Variants in CLPTM1 observed in about 807,000 individuals in gnomAD.
The protein encoded by CLPTM1 is putative lipid scramblase CLPTM1.
In CLPTM1, 21 loss-of-function variants were observed where a neutral mutation model predicts 77.3. That is an observed-to-expected ratio of 0.27 (90% confidence interval 0.19 to 0.39). The LOEUF is 0.39. CLPTM1 is among the 10% of genes least tolerant of loss of function. CLPTM1 has a pLI of 1.00. For synonymous variants in CLPTM1, 373 were observed against 381.0 expected, an observed-to-expected ratio of 0.98 and a Z score of 0.24; for missense variants, 642 against 921.2, an observed-to-expected ratio of 0.70 and a Z score of 3.92.
chr19:44,985,400 A>G (rs1970961964), intron 6 of CLPTM1, 97 bp downstream of exon 6: 2 of 837,540 alleles, frequency 2.4e-6, no homozygotes, highest in Non-Finnish European at 4.0e-6. Context: ...CCACCACTGA[A>G]CCACCATGCC....
rs1180952718 is a variant in CLPTM1 at position 44,986,969 on chromosome 19, C to T, written c.794-210C>T. On this transcript the variant is annotated intron_variant, in intron 7 of 13. Coordinates refer to ENST00000337392, the MANE Select transcript of CLPTM1 (RefSeq NM_001294.4). ...TGGGCTGGAGCTGAGCCACAGCTGCCCCCTTCAGTGGGGACCTGCCTGCCC... is the reference window on the plus strand; with the variant it reads ...TGGGCTGGAGCTGAGCCACAGCTGCTCCCTTCAGTGGGGACCTGCCTGCCC... The T allele has an allele frequency of 4.8e-6, 3 of 624,846 alleles. No homozygotes were observed. In the African/African-American group the frequency reaches 5.5e-5, roughly 11 times the overall value. The allele number at this position is 624,846 out of a possible 1,614,324, so 38.7% of individuals were successfully genotyped here. A position where few individuals can be genotyped will look rare whatever the true frequency, so the allele number is the denominator to read the frequency against.
intron 5 of CLPTM1, among the ~76,000 whole-genome samples, chr19:44,983,464 C>A (rs1231402955): frequency 6.7e-6 from 1 of 150,124 alleles, no homozygotes; most frequent in South Asian, 2.1e-4. Context: ...ACTAAAAATA[C>A]AAAATTAGCC....
rs573473703 is a variant in CLPTM1 at position 44,987,360 on chromosome 19, G to A, written c.975G>A (p.Ser325=). ...TCTATGCTGCCCAGAGCACCAAGTC[G>A]CCCTGGAACTTCCTGGGTGATGAGT... ...WQLYAAQSTK[S]PWNFLGDELY... The change falls in exon 8 of 14, where the codon TCG becomes TCA. Residue 325 remains serine (S), a synonymous_variant. Coordinates refer to ENST00000337392, the MANE Select transcript of CLPTM1 (RefSeq NM_001294.4). 2.4e-5 allele frequency: 38 copies of A among 1,614,212 alleles called. No homozygotes were observed. The highest frequency in any genetic ancestry group is 6.7e-5 in the East Asian group (3 of 44,892).
In CLPTM1 at chr19:44,993,158, G is replaced by A. The variant is rs1321176698; in HGVS notation, c.*261G>A. The A allele has an allele frequency of 6.6e-6, 3 of 455,374 alleles. No homozygotes were observed. Among genetic ancestry groups the A allele is most frequent in the Admixed American group, 4.7e-5 (2 of 42,420 alleles). 28.2% of individuals were successfully genotyped at this position (455,374 alleles called of 1,614,324 possible). On this transcript the variant is annotated 3_prime_UTR_variant, in exon 14 of 14. Coordinates refer to ENST00000337392, the MANE Select transcript of CLPTM1 (RefSeq NM_001294.4). ...GCCCAGCACCACTGGGAATCATGGT[G>A]AAGCTGATGCAGCGTTGCCGAGGGG...
At chr19:44,961,534 C>T (rs940928058) in intron 1 of CLPTM1, among the ~76,000 whole-genome samples, 4 of 152,202 alleles carry the variant, frequency 2.6e-5, no homozygotes, top group African/African-American at 9.7e-5. Context: ...TGCTGCTTCT[C>T]TCACTTCCTC....
intron 9 of CLPTM1, among the ~76,000 whole-genome samples, chr19:44,989,329 A>G (rs770876601): frequency 6.6e-6 from 1 of 152,128 alleles, no homozygotes; most frequent in Non-Finnish European, 1.5e-5. Flanking sequence ...TCCAGTGAGA[A>G]ATGAGGCACA....
chr19:44,991,165 G>A lies in CLPTM1; in HGVS notation c.1420-73G>A. 6.3e-7 allele frequency: 1 copy of A among 1,597,252 alleles called. No individual in the cohort carries two copies. The highest frequency in any genetic ancestry group is 8.5e-7 in the Non-Finnish European group (1 of 1,169,940). On this transcript the variant is annotated intron_variant, in intron 11 of 13. Transcript: ENST00000337392. The surrounding 1 kb of genome is among the most constrained non-coding windows in gnomAD (Gnocchi z 5.4). The stretch of plus-strand genomic sequence containing the variant: ...CCGGCCTGCCAGACCAGGTGTGGTG[G>A]GTGAGGGCGGGGAGCAGGGCTGCCA...
Position 44,975,493 on chromosome 19 carries a change from C to G in CLPTM1, c.468+896C>G, listed in dbSNP as rs569883832. ...GCCTTCTCAGCTTTGGGGTGGAGGG[C>G]ACATTTCTGTTCTATTTCTGTCTGG... On this transcript the variant is annotated intron_variant, in intron 4 of 13. Transcript: ENST00000337392. Among the ~76,000 whole-genome samples the G allele has an allele frequency of 2.0e-4, 31 of 152,274 alleles. No individual in the cohort carries two copies. The South Asian group carries it at 2.5e-3, about 12-fold the overall frequency.
intron 2 of CLPTM1, among the ~76,000 whole-genome samples, chr19:44,966,126 T>C (rs1428413447): frequency 2.0e-5 from 3 of 152,060 alleles, no homozygotes; most frequent in Non-Finnish European, 4.4e-5. Flanking sequence ...AAAAGTGTAA[T>C]GTGGGCCGGG....
At chr19:44,966,133 C>T (rs974099013) in intron 2 of CLPTM1, among the ~76,000 whole-genome samples, 8 of 151,698 alleles carry the variant, frequency 5.3e-5, no homozygotes, top group African/African-American at 1.2e-4. Flanking sequence ...TAATGTGGGC[C>T]GGGCGCGGTG....
rs1177000838 is a variant in CLPTM1, at chr19:44,992,962, C to T, written c.*65C>T. On this transcript the variant is annotated 3_prime_UTR_variant, in exon 14 of 14. Coordinates refer to ENST00000337392, the MANE Select transcript of CLPTM1 (RefSeq NM_001294.4). This position sits in a 1 kb window ranked among gnomAD's most constrained non-coding sequence, Gnocchi z 7.7. ...CTACCCCTGCGTCCCGGCCCCCTCGCCTCCCCTCCCTGTCGCCCTTTCCCT... is the reference window on the plus strand; with the variant it reads ...CTACCCCTGCGTCCCGGCCCCCTCGTCTCCCCTCCCTGTCGCCCTTTCCCT... The T allele has an allele frequency of 1.3e-6, 2 of 1,539,696 alleles. No individual in the cohort carries two copies. Among genetic ancestry groups the T allele is most frequent in the Non-Finnish European group, 8.8e-7 (1 of 1,135,686 alleles).
intron 2 of CLPTM1, among the ~76,000 whole-genome samples, chr19:44,968,959 C>T (rs1970676786): frequency 6.6e-6 from 1 of 152,140 alleles, no homozygotes; most frequent in Non-Finnish European, 1.5e-5. Flanking sequence ...GGCCTTGTGG[C>T]TTCTACAGGC....
intron 1 of CLPTM1, among the ~76,000 whole-genome samples, chr19:44,959,938 A>G (rs1217110815): frequency 6.6e-6 from 1 of 152,174 alleles, no homozygotes; most frequent in Non-Finnish European, 1.5e-5. Context: ...GCCCATCACT[A>G]ACGGGTAAGC....
Position 44,956,904 on chromosome 19 carries a change from G to A in CLPTM1, c.72+1437G>A, listed in dbSNP as rs562777068. 3.3e-5 allele frequency among the ~76,000 whole-genome samples: 5 copies of A among 152,290 alleles called. No homozygotes were observed. The East Asian group carries it at 5.8e-4, about 18-fold the overall frequency. The stretch of plus-strand genomic sequence containing the variant: ...GACACTTTTCTTCAGACTAGACTAG[G>A]ATTTCTCGAGCTCGGCACTATCAAC... On this transcript the variant is annotated intron_variant, in intron 1 of 13. Coordinates refer to ENST00000337392, the MANE Select transcript of CLPTM1 (RefSeq NM_001294.4).
Position 44,991,312 on chromosome 19 carries a change from G to A in CLPTM1, c.1494G>A (p.Leu498=). 6.2e-7 allele frequency: 1 copy of A among 1,614,066 alleles called. No homozygotes were observed. Residue 498 remains leucine (L), a synonymous_variant, in exon 12 of 14, where the codon CTG becomes CTA. Coordinates refer to ENST00000337392, the MANE Select transcript of CLPTM1 (RefSeq NM_001294.4). The surrounding 1 kb of genome is among the most constrained non-coding windows in gnomAD (Gnocchi z 5.4). ...GCYAVYSLLY[L]EHKGWYSWVL... is the part of the protein sequence containing the mutation. Reference sequence around the variant, plus strand: ...ATGCCGTCTACAGTCTTCTGTACCTGGAGCACAAGGGCTGGTACTCCTGGG... The same window carrying A: ...ATGCCGTCTACAGTCTTCTGTACCTAGAGCACAAGGGCTGGTACTCCTGGG...
chr19:44,966,823 A>G (rs1253756563), intron 2 of CLPTM1, among the ~76,000 whole-genome samples: 1 of 151,548 alleles, frequency 6.6e-6, no homozygotes, highest in Non-Finnish European at 1.5e-5. Context: ...CAACACAGTA[A>G]GACCCCCATC....
At chr19:44,954,839 T>G (rs1970431292), upstream of CLPTM1, 8 of 1,197,440 alleles carry the variant, frequency 6.7e-6, no homozygotes, top group South Asian at 1.6e-5. Flanking sequence ...AGAAAGGATA[T>G]GAGCTCAGGA....
chr19:44,987,010 T>C lies in CLPTM1; in HGVS notation c.794-169T>C, dbSNP rs1970988967. On this transcript the variant is annotated intron_variant, in intron 7 of 13. Transcript: ENST00000337392. The stretch of plus-strand genomic sequence containing the variant: ...CTGCCTGCCCTTTGCCTCAGTCCCC[T>C]CTGCTGAGGTCAAGGCACCCTTTAG... 9 of 850,910 alleles carry C rather than the reference T, an allele frequency of 1.1e-5. No homozygotes were observed. The Admixed American group carries it at 1.7e-4, about 16-fold the overall frequency. 52.7% of individuals were successfully genotyped at this position (850,910 alleles called of 1,614,324 possible). A position where few individuals can be genotyped will look rare whatever the true frequency, so the allele number is the denominator to read the frequency against.
chr19:44,969,652 AAATCAAG>A (rs1358531664), intron 2 of CLPTM1, among the ~76,000 whole-genome samples: 2 of 151,484 alleles, frequency 1.3e-5, no homozygotes, highest in African/African-American at 4.9e-5. Context: ...AGAGAAGAAT[AAATCAAG>A]AAGGAATATT....
Sources: gnomAD v4.1 joint callset for allele counts (sites outside exome capture counted in the v4.1 genomes callset) on GRCh38, gnomAD v4.1.1 for gene constraint, Gnocchi (gnomAD v3.1) non-coding constraint, MANE v1.5 for transcripts, NCBI Gene and HGNC (gene_info 2026-07-23, HGNC 2026-07-21) for gene names.